RUNX3: variants seen among roughly 807,000 people sequenced by gnomAD.
RUNX3 encodes runt-related transcription factor 3.
Under a neutral mutation model 27.7 loss-of-function variants are expected in RUNX3, and 10 were observed. The observed-to-expected ratio is 0.36, with a 90% CI of 0.22 to 0.61. The LOEUF (loss-of-function observed/expected upper bound fraction) is 0.61, where lower values mean the gene tolerates loss of function less well. Ranked by LOEUF, RUNX3 falls within the 20% of genes least tolerant of loss-of-function variation. The probability of loss-of-function intolerance (pLI) is 0.72; values close to 1 mark genes in which losing one functional copy is unlikely to be tolerated. For missense variants in RUNX3, 469 were observed against 629.5 expected (o/e 0.75, Z 2.73); for synonymous variants, 270 against 269.2 (o/e 1.00, Z -0.03).
At position 24,930,164 on chromosome 1, in the gene RUNX3, C is replaced by T; in HGVS notation, c.-296G>A. 1 of 953,494 alleles carries T rather than the reference C, an allele frequency of 1.0e-6. No homozygotes were observed. Among genetic ancestry groups the T allele is most frequent in the Non-Finnish European group, 1.2e-6 (1 of 806,658 alleles). The allele number at this position is 953,494 out of a possible 1,614,324, so 59.1% of individuals were successfully genotyped here. On this transcript the variant is annotated 5_prime_UTR_variant, in exon 1 of 5. Transcript: ENST00000308873. This position sits in a 1 kb window ranked among gnomAD's most constrained non-coding sequence, Gnocchi z 4.1. Reference sequence around the variant, plus strand: ...GCTGTCCCGGCTGCCTGGGCCGCGGCGGGGCCCGCGCGGGGCTGTGCCGCT... The same window carrying T: ...GCTGTCCCGGCTGCCTGGGCCGCGGTGGGGCCCGCGCGGGGCTGTGCCGCT...
At position 24,904,282 on chromosome 1, in the gene RUNX3, G is replaced by C. The variant is rs1640620242; in HGVS notation, c.704-1616C>G. Among the ~76,000 whole-genome samples the C allele has an allele frequency of 6.6e-6, 1 of 152,244 alleles. No homozygotes were observed. Among genetic ancestry groups the C allele is most frequent in the Non-Finnish European group, 1.5e-5 (1 of 68,036 alleles). ...TGTGTGTGACTTCGGCTGGGACTTGGAACTTCTCGGGGCTTTGGGGTCTTC... is the reference window on the plus strand; with the variant it reads ...TGTGTGTGACTTCGGCTGGGACTTGCAACTTCTCGGGGCTTTGGGGTCTTC... On this transcript the variant is annotated intron_variant, in intron 4 of 4. Transcript: ENST00000308873. The surrounding 1 kb of genome is among the most constrained non-coding windows in gnomAD (Gnocchi z 5.7).
intron 4 of RUNX3, among the ~76,000 whole-genome samples, chr1:24,903,710 G>C (rs546310710): frequency 2.2e-4 from 34 of 152,272 alleles, no homozygotes; most frequent in African/African-American, 7.7e-4. Context: ...TAGGGCCTCT[G>C]GTCCTGAGCC....
At chr1:24,957,726 A>C (rs973387391) in intron 2 of RUNX3, among the ~76,000 whole-genome samples, 1 of 152,204 alleles carries the variant, frequency 6.6e-6, no homozygotes, top group African/African-American at 2.4e-5. Flanking sequence ...TGTGCTGTGC[A>C]CGTGATACAC....
Position 24,958,537 on chromosome 1 carries a change from A to G in RUNX3, c.58+5977T>C, listed in dbSNP as rs376114081. ...TCTTGTGACTTCTCAAAGCAAGACC[A>G]GAGTCCCACTCCCAGCCCTAGGCCC... On this transcript the variant is annotated intron_variant, in intron 2 of 6. Coordinates refer to the RUNX3 transcript ENST00000338888. Among the ~76,000 whole-genome samples the G allele has an allele frequency of 1.4e-4, 21 of 152,358 alleles. No individual in the cohort carries two copies. The East Asian group carries it at 2.1e-3, about 15-fold the overall frequency.
chr1:24,964,814 G>T (rs1256041224), intron 1 of RUNX3: 6 of 1,051,192 alleles, frequency 5.7e-6, no homozygotes, highest in Non-Finnish European at 7.9e-6. Flanking sequence ...AATCCCCAAG[G>T]AAAGTAAGTT....
rs541220251 is a variant in RUNX3 at position 24,922,198 on chromosome 1, T to TC, written c.440-2855_440-2854insG. Among the ~76,000 whole-genome samples, 252 of 150,892 alleles carry TC rather than the reference T, an allele frequency of 1.7e-3. 2 individuals carry two copies. Among genetic ancestry groups the TC allele is most frequent in the African/African-American group, 6.0e-3 (248 of 41,070 alleles). On this transcript the variant is annotated intron_variant, in intron 2 of 4. Transcript: ENST00000308873. Reference sequence around the variant, plus strand: ...CTTTTCTTTCTTTCCTTTCTTTCTTTTTTTTTTTTTTCAAGCTTTTACTAT... The same window carrying TC: ...CTTTTCTTTCTTTCCTTTCTTTCTTTCTTTTTTTTTTTCAAGCTTTTACTAT...
At chr1:24,941,014 A>G (rs1488224945) in intron 2 of RUNX3, among the ~76,000 whole-genome samples, 2 of 152,246 alleles carry the variant, frequency 1.3e-5, no homozygotes, top group African/African-American at 2.4e-5. Flanking sequence ...CCCTGCCCCA[A>G]ACCTCTGAAA....
At chr1:24,918,433 G>C (rs1640929478) in intron 3 of RUNX3, among the ~76,000 whole-genome samples, 1 of 152,184 alleles carries the variant, frequency 6.6e-6, no homozygotes, top group South Asian at 2.1e-4. Context: ...ATTCAATAGT[G>C]ACTGCTAAAA....
chr1:24,929,584 C>T lies in RUNX3; in HGVS notation c.282+3G>A. ...GCCCTCCCGCCCCGGGTCCCGCACT[C>T]ACCTTGAAGGCGACGGGCAGCGTCT... On this transcript the variant is annotated splice_donor_region_variant and intron_variant, in intron 1 of 4. Transcript: ENST00000308873. The T allele has an allele frequency of 6.2e-7, 1 of 1,604,564 alleles. No individual in the cohort carries two copies. The highest frequency in any genetic ancestry group is 8.5e-7 in the Non-Finnish European group (1 of 1,178,122).
Position 24,919,210 on chromosome 1 carries a change from C to T in RUNX3, c.544+30G>A, listed in dbSNP as rs1260008702. 12 of 1,428,384 alleles carry T rather than the reference C, an allele frequency of 8.4e-6. No homozygotes were observed. In the African/African-American group the frequency reaches 8.7e-5, roughly 10 times the overall value. The allele number at this position is 1,428,384 out of a possible 1,614,324, so 88.5% of individuals were successfully genotyped here. A position where few individuals can be genotyped will look rare whatever the true frequency, so the allele number is the denominator to read the frequency against. The stretch of plus-strand genomic sequence containing the variant: ...CCGCACTGGACCCTCCTCCCCCGCG[C>T]AGGGGCTCAGGGGGCTCGGTGGCAC... On this transcript the variant is annotated intron_variant, in intron 3 of 4. Coordinates refer to ENST00000308873, the MANE Select transcript of RUNX3 (RefSeq NM_004350.3).
At chr1:24,963,545 G>A (rs1178997759) in intron 2 of RUNX3, among the ~76,000 whole-genome samples, 1 of 152,170 alleles carries the variant, frequency 6.6e-6, no homozygotes, top group Non-Finnish European at 1.5e-5. Context: ...AAGCAGAGGG[G>A]ACTCTATTTG....
At chr1:24,928,263 A>T (rs551559049) in intron 1 of RUNX3, among the ~76,000 whole-genome samples, 3 of 152,360 alleles carry the variant, frequency 2.0e-5, no homozygotes, top group Admixed American at 2.0e-4. Flanking sequence ...TTCGTTATGC[A>T]GAGAAAATGC....
upstream of RUNX3, among the ~76,000 whole-genome samples, chr1:24,934,742 C>T (rs997983966): frequency 4.6e-5 from 7 of 152,264 alleles, no homozygotes; most frequent in Admixed American, 2.0e-4. Context: ...GGGGCATGAA[C>T]GCATCACCTG....
chr1:24,919,328 C>A lies in RUNX3; in HGVS notation c.456G>T (p.Leu152=). 1 of 1,610,376 alleles carries A rather than the reference C, an allele frequency of 6.2e-7. No individual in the cohort carries two copies. The highest frequency in any genetic ancestry group is 1.1e-5 in the South Asian group (1 of 90,904). The change falls in exon 3 of 5, where the codon CTG becomes CTT. Residue 152 remains leucine (L), a synonymous_variant. Coordinates refer to ENST00000308873, the MANE Select transcript of RUNX3 (RefSeq NM_004350.3). The stretch of plus-strand genomic sequence containing the variant: ...TGGGGTTGGTGAACACAGTGATGGT[C>A]AGGGTGAAACTCTTCCCTGGGGAGA... ...GRSGRGKSFT[L]TITVFTNPTQ...
intron 3 of RUNX3, among the ~76,000 whole-genome samples, chr1:24,917,718 T>C (rs1038605394): frequency 6.6e-6 from 1 of 152,130 alleles, no homozygotes; most frequent in Non-Finnish European, 1.5e-5. Context: ...CGAATATCAT[T>C]TTTCAGTTCA....
In RUNX3 at chr1:24,907,531, G is replaced by A. The variant is rs543020938; in HGVS notation, c.545-114C>T. On this transcript the variant is annotated intron_variant, in intron 3 of 4. Coordinates refer to ENST00000308873, the MANE Select transcript of RUNX3 (RefSeq NM_004350.3). ...GAGGTCTGACCTTAGGCCTCTGCTG[G>A]GAGAACCCTGAGGTCACCGCCAGCC... 131 of 1,110,538 alleles carry A rather than the reference G, an allele frequency of 1.2e-4. No individual in the cohort carries two copies. The East Asian group carries it at 1.7e-3, about 14-fold the overall frequency. The allele number at this position is 1,110,538 out of a possible 1,614,324, so 68.8% of individuals were successfully genotyped here. A position where few individuals can be genotyped will look rare whatever the true frequency, so the allele number is the denominator to read the frequency against.
intron 1 of RUNX3, chr1:24,964,789 TGA>T: frequency 6.5e-6 from 8 of 1,224,426 alleles, no homozygotes; most frequent in Non-Finnish European, 6.6e-6. Flanking sequence ...TGTGTGTGAG[TGA>T]GAGAGAGAAA....
chr1:24,963,403 G>A (rs531064026), intron 2 of RUNX3, among the ~76,000 whole-genome samples: 6 of 152,266 alleles, frequency 3.9e-5, no homozygotes, highest in African/African-American at 9.6e-5. Flanking sequence ...TGACTGCCTC[G>A]GCTGAGGAAA....
intron 2 of RUNX3, among the ~76,000 whole-genome samples, chr1:24,926,097 T>G (rs939429185): frequency 6.6e-6 from 1 of 152,206 alleles, no homozygotes; most frequent in Non-Finnish European, 1.5e-5. Flanking sequence ...CAGCACCTTC[T>G]GCCCGCCTCG....
Sources: gnomAD v4.1 joint callset for allele counts (sites outside exome capture counted in the v4.1 genomes callset) on GRCh38, gnomAD v4.1.1 for gene constraint, Gnocchi (gnomAD v3.1) non-coding constraint, MANE v1.5 for transcripts, NCBI Gene and HGNC (gene_info 2026-07-23, HGNC 2026-07-21) for gene names.